Variants in DSCAML1 observed in about 807,000 individuals in gnomAD.
DSCAML1 encodes the protein DS cell adhesion molecule like 1, also known as cell adhesion molecule DSCAML1.
In DSCAML1, 38 loss-of-function variants were observed where a neutral mutation model predicts 200.5. The ratio of observed to expected loss-of-function variants is 0.19; its 90% CI spans 0.15 to 0.25. The LOEUF (loss-of-function observed/expected upper bound fraction) is 0.25. Among genes scored for constraint, DSCAML1 ranks in the 10% least tolerant of loss-of-function variants. The probability of loss-of-function intolerance (pLI) is 1.00; values close to 1 mark genes in which losing one functional copy is unlikely to be tolerated. For synonymous variants in DSCAML1, 1,215 were observed against 1,165.0 expected, an observed-to-expected ratio of 1.04 and a Z score of -0.87; for missense variants, 2,223 against 2,858.8, an observed-to-expected ratio of 0.78 and a Z score of 5.07.
chr11:117,529,688 G>A lies in DSCAML1; in HGVS notation c.658+2688C>T, dbSNP rs115327498. Among the ~76,000 whole-genome samples, 1,057 of 151,278 alleles carry A rather than the reference G, an allele frequency of 7.0e-3. 11 individuals carry two copies. Among genetic ancestry groups the A allele is most frequent in the African/African-American group, 0.024 (967 of 41,140 alleles). On this transcript the variant is annotated intron_variant, in intron 4 of 32. Transcript: ENST00000651296. Reference sequence around the variant, plus strand: ...ACTGCCATTTGTGCCATTCTCATCCGCAACAAGCCCCAGGAGCTCTCGGGG... The same window carrying A: ...ACTGCCATTTGTGCCATTCTCATCCACAACAAGCCCCAGGAGCTCTCGGGG...
Position 117,505,568 on chromosome 11 carries a change from A to G in DSCAML1, c.1948T>C (p.Phe650Leu). ...GSGVTIESKE[F>L]MSSLQISSVS... ...CTAGAGATCTGCAGGGAGCTCATGA[A>G]TTCCTTGCTCTCGATGGTCACGCCC... Residue 650 changes from phenylalanine to leucine, a missense_variant, in exon 9 of 33, where the codon TTC becomes CTC. This residue lies in a region of DSCAML1 where 212 missense variants were observed against 368.0 expected (regional missense o/e 0.58). Transcript: ENST00000651296. The surrounding 1 kb of genome is among the most constrained non-coding windows in gnomAD (Gnocchi z 6.7). The G allele has an allele frequency of 6.2e-7, 1 of 1,613,508 alleles. No individual in the cohort carries two copies. The highest frequency in any genetic ancestry group is 8.5e-7 in the Non-Finnish European group (1 of 1,179,994).
intron 3 of DSCAML1, among the ~76,000 whole-genome samples, chr11:117,590,726 C>T (rs1318507973): frequency 1.3e-5 from 2 of 152,152 alleles, no homozygotes; most frequent in African/African-American, 4.8e-5. Context: ...TCTGCTGGGA[C>T]CCACTGTGCA....
intron 8 of DSCAML1, among the ~76,000 whole-genome samples, chr11:117,506,521 A>C (rs960955875): frequency 1.0e-4 from 15 of 148,180 alleles, no homozygotes; most frequent in African/African-American, 3.5e-4. Context: ...AGCCCCAGAC[A>C]TGCCCAGACA....
chr11:117,482,901 A>G (rs2048958737), intron 11 of DSCAML1, among the ~76,000 whole-genome samples: 1 of 152,214 alleles, frequency 6.6e-6, no homozygotes, highest in Non-Finnish European at 1.5e-5. Flanking sequence ...TTTTCTCTAT[A>G]GCTAAGGCTT....
At chr11:117,589,713 C>G (rs534395544) in intron 3 of DSCAML1, among the ~76,000 whole-genome samples, 1 of 152,150 alleles carries the variant, frequency 6.6e-6, no homozygotes, top group Non-Finnish European at 1.5e-5. Context: ...ACATGAGGTA[C>G]GGAAAGCTTT....
At chr11:117,643,532 C>A (rs994734354) in intron 3 of DSCAML1, among the ~76,000 whole-genome samples, 1 of 152,050 alleles carries the variant, frequency 6.6e-6, no homozygotes, top group African/African-American at 2.4e-5. Flanking sequence ...TTTCTGAATG[C>A]CTTTCATTCA....
chr11:117,761,963 T>A (rs571827975), intron 3 of DSCAML1, among the ~76,000 whole-genome samples: 39 of 152,348 alleles, frequency 2.6e-4, no homozygotes, highest in African/African-American at 8.4e-4. Context: ...TATATCAAGC[T>A]ATTCACACAG....
At position 117,732,798 on chromosome 11, in the gene DSCAML1, T is replaced by C. The variant is rs573733217; in HGVS notation, c.511+43993A>G. ...GGGAAAAGCCAGGAATTATTATTAT[T>C]ATCATTATTATTATTATTATTGCAT... On this transcript the variant is annotated intron_variant, in intron 3 of 32. Coordinates refer to ENST00000651296, the MANE Select transcript of DSCAML1 (RefSeq NM_020693.4). Among the ~76,000 whole-genome samples, 7 of 152,140 alleles carry C rather than the reference T, an allele frequency of 4.6e-5. No homozygotes were observed. The East Asian group carries it at 1.4e-3, about 29-fold the overall frequency.
intron 1 of DSCAML1, among the ~76,000 whole-genome samples, chr11:117,812,137 C>T (rs1198759617): frequency 1.3e-5 from 2 of 152,132 alleles, no homozygotes; most frequent in African/African-American, 2.4e-5. Flanking sequence ...TCCTTTGCGT[C>T]CTCCTCTTGT....
At chr11:117,663,297 A>C (rs2052900930) in intron 3 of DSCAML1, among the ~76,000 whole-genome samples, 1 of 152,086 alleles carries the variant, frequency 6.6e-6, no homozygotes, top group Non-Finnish European at 1.5e-5. Flanking sequence ...ACCTGGGTTC[A>C]GTCTTTGCTC....
chr11:117,720,945 T>C (rs2054032532), intron 3 of DSCAML1, among the ~76,000 whole-genome samples: 1 of 152,372 alleles, frequency 6.6e-6, no homozygotes, highest in Non-Finnish European at 1.5e-5. Flanking sequence ...CTCTAAGAAG[T>C]GTCCTGAGGA....
chr11:117,453,765 G>C (rs2048326265), intron 19 of DSCAML1, among the ~76,000 whole-genome samples: 1 of 108,732 alleles, frequency 9.2e-6, no homozygotes, highest in Non-Finnish European at 1.9e-5. Flanking sequence ...TTTTTTTTGA[G>C]ATAGAGTCTC....
chr11:117,755,741 CA>C (rs2137878999), intron 3 of DSCAML1, among the ~76,000 whole-genome samples: 1 of 152,266 alleles, frequency 6.6e-6, no homozygotes, highest in East Asian at 1.9e-4. Context: ...CAGTTTTCCC[CA>C]CCCACAGGAG....
chr11:117,725,801 CACAAAACAAAACAAAACAAA>C lies in DSCAML1; in HGVS notation c.511+50970_511+50989del, dbSNP rs72442656. ...GAGGAAACAGGCCATGGTTATGCTA[CACAAAACAAAACAAAACAAA>C]ACAAAACAAAACAAAACAAAACAAA... On this transcript the variant is annotated intron_variant, in intron 3 of 32. Transcript: ENST00000651296. 1.5e-3 allele frequency among the ~76,000 whole-genome samples: 224 copies of C among 147,888 alleles called. 1 individual carries two copies. Among genetic ancestry groups the C allele is most frequent in the South Asian group, 0.011 (50 of 4,512 alleles).
At chr11:117,443,832 G>C (rs1250782556) in intron 21 of DSCAML1, 54 bp downstream of exon 21, 10 of 1,530,806 alleles carry the variant, frequency 6.5e-6, no homozygotes, top group Non-Finnish European at 7.9e-6. Flanking sequence ...CCAGGATTCT[G>C]TAAGGGAGCT....
chr11:117,564,745 T>TTCTCTC (rs5795094), intron 3 of DSCAML1, among the ~76,000 whole-genome samples: 12 of 148,134 alleles, frequency 8.1e-5, no homozygotes, highest in Non-Finnish European at 1.5e-4. Context: ...CTTCTCTTTC[T>TTCTCTC]TCTCTCTCTC....
At chr11:117,649,975 C>T (rs922956291) in intron 3 of DSCAML1, among the ~76,000 whole-genome samples, 1 of 152,220 alleles carries the variant, frequency 6.6e-6, no homozygotes, top group Admixed American at 6.5e-5. Flanking sequence ...CTTGGCTCAA[C>T]CTGTCCTCCC....
At chr11:117,545,680 C>T (rs972615215) in intron 3 of DSCAML1, among the ~76,000 whole-genome samples, 8 of 152,068 alleles carry the variant, frequency 5.3e-5, no homozygotes, top group East Asian at 1.9e-4. Flanking sequence ...TAAGACCATC[C>T]GGTGGGCATC....
At chr11:117,475,815 C>T (rs1333632649) in intron 14 of DSCAML1, among the ~76,000 whole-genome samples, 7 of 152,052 alleles carry the variant, frequency 4.6e-5, no homozygotes, top group Non-Finnish European at 7.3e-5. Context: ...GTTTGCCTCC[C>T]GTGGTTTGCA....
Sources: gnomAD v4.1 joint callset for allele counts (sites outside exome capture counted in the v4.1 genomes callset) on GRCh38, gnomAD v4.1.1 for gene constraint, gnomAD v4.1.1 regional missense constraint, Gnocchi (gnomAD v3.1) non-coding constraint, MANE v1.5 for transcripts, NCBI Gene and HGNC (gene_info 2026-07-23, HGNC 2026-07-21) for gene names.